Variants in CCDC7 observed in about 807,000 individuals in gnomAD.
CCDC7 encodes coiled-coil domain containing 7, also known as coiled-coil domain-containing protein 7.
In CCDC7, 183 loss-of-function variants were observed where a neutral mutation model predicts 196.9. That is an observed-to-expected ratio of 0.93 (90% CI 0.82 to 1.05). The LOEUF is 1.05. Ranked by LOEUF, CCDC7 falls within the 50% of genes least tolerant of loss-of-function variation. CCDC7 has a pLI of 0.00. For synonymous variants in CCDC7, 525 were observed against 484.6 expected, an observed-to-expected ratio of 1.08 and a Z score of -1.10; for missense variants, 1,540 against 1,482.2, an observed-to-expected ratio of 1.04 and a Z score of -0.64.
intron 20 of CCDC7, among the ~76,000 whole-genome samples, chr10:32,658,017 A>T (rs1018404645): frequency 6.6e-6 from 1 of 152,146 alleles, no homozygotes; most frequent in Admixed American, 6.5e-5. Context: ...CTTCATCTCC[A>T]TCTGAGACCA....
exon 28 of CCDC7, chr10:32,729,384 T>A (rs1459019641): frequency 6.5e-7 from 1 of 1,541,342 alleles, no homozygotes; most frequent in Non-Finnish European, 8.8e-7. Flanking sequence ...ATCTGTTGCC[T>A]GAGGAGAAAG....
chr10:32,545,356 T>C (rs73253423), intron 13 of CCDC7, among the ~76,000 whole-genome samples: 8,070 of 152,254 alleles, frequency 0.053, 708 homozygotes, highest in African/African-American at 0.18. Flanking sequence ...TTTATCAACA[T>C]TTTGGTCTCA....
Position 32,844,690 on chromosome 10 carries a change from CAGTT to C in CCDC7, c.3353-552_3353-549del, listed in dbSNP as rs1475650077. Among the ~76,000 whole-genome samples the C allele has an allele frequency of 2.6e-5, 4 of 151,714 alleles. No homozygotes were observed. The East Asian group carries it at 7.7e-4, about 29-fold the overall frequency. On this transcript the variant is annotated intron_variant, in intron 33 of 41. Coordinates refer to ENST00000639629, the Ensembl canonical transcript of CCDC7. ...CAGTGGTTAAGGAATTATAAAGTGT[CAGTT>C]TGTACATCAATTTTGTCATTATCTT...
chr10:32,733,821 ACTGT>A lies in CCDC7; in HGVS notation c.2905+4369_2905+4372del, dbSNP rs553860388. On this transcript the variant is annotated intron_variant, in intron 28 of 41. Transcript: ENST00000639629. ...TATACTTTTTATCTGGTAAATGGAG[ACTGT>A]CTGTTAATCTCTGAAAATGCATTTT... is the stretch of plus-strand genomic sequence containing the variant. 3.8e-3 allele frequency among the ~76,000 whole-genome samples: 583 copies of A among 152,214 alleles called. 5 individuals carry two copies. Among genetic ancestry groups the A allele is most frequent in the Non-Finnish European group, 6.4e-3 (436 of 68,000 alleles).
chr10:32,846,068 C>A, intron 36 of CCDC7, 109 bp downstream of exon 37: 2 of 822,464 alleles, frequency 2.4e-6, no homozygotes, highest in Non-Finnish European at 4.0e-6. Flanking sequence ...TAGTACTTTC[C>A]ATAGCAAAAG....
intron 9 of CCDC7, 129 bp downstream of exon 10, chr10:32,492,126 A>C: frequency 1.1e-6 from 1 of 903,504 alleles, no homozygotes; most frequent in Non-Finnish European, 1.5e-6. Flanking sequence ...AAATATTGAA[A>C]ACATAAAGAA....
At chr10:32,684,715 C>A (rs1332867190) in intron 21 of CCDC7, among the ~76,000 whole-genome samples, 1 of 152,334 alleles carries the variant, frequency 6.6e-6, no homozygotes, top group South Asian at 2.1e-4. Context: ...GTCTTAAAAT[C>A]TGGATTGTAT....
intron 20 of CCDC7, among the ~76,000 whole-genome samples, chr10:32,639,916 C>A (rs1321876150): frequency 1.3e-5 from 2 of 152,078 alleles, no homozygotes; most frequent in Non-Finnish European, 2.9e-5. Flanking sequence ...TGCACCCGAC[C>A]AATTTCTGTT....
At chr10:32,703,857 C>G (rs2079202804) in intron 24 of CCDC7, among the ~76,000 whole-genome samples, 1 of 152,112 alleles carries the variant, frequency 6.6e-6, no homozygotes, top group Admixed American at 6.5e-5. Context: ...CCTTGGTTTT[C>G]AGCTCCATCA....
intron 32 of CCDC7, among the ~76,000 whole-genome samples, chr10:32,826,995 G>A (rs1429951444): frequency 1.3e-5 from 2 of 152,200 alleles, no homozygotes; most frequent in Admixed American, 6.5e-5. Context: ...GAGGTATGTG[G>A]GTGGACCTCT....
chr10:32,602,147 A>G (rs997024000), intron 18 of CCDC7, among the ~76,000 whole-genome samples: 5 of 152,270 alleles, frequency 3.3e-5, no homozygotes, highest in African/African-American at 1.2e-4. Context: ...GAAGTCAGCG[A>G]GACCACAAAC....
At chr10:32,519,190 C>T (rs1485719724) in intron 11 of CCDC7, among the ~76,000 whole-genome samples, 3 of 152,050 alleles carry the variant, frequency 2.0e-5, no homozygotes, top group Non-Finnish European at 4.4e-5. Flanking sequence ...CATATATGTT[C>T]AGTTTAGGAA....
chr10:32,835,289 G>A (rs924626623), intron 33 of CCDC7, among the ~76,000 whole-genome samples: 2 of 152,028 alleles, frequency 1.3e-5, no homozygotes, highest in Non-Finnish European at 2.9e-5. Flanking sequence ...TCTCTTTGAA[G>A]GTCTCTAAGA....
rs575275362 is a variant in CCDC7 at position 32,505,662 on chromosome 10, G to A, written c.873-12283G>A. Among the ~76,000 whole-genome samples the A allele has an allele frequency of 7.0e-3, 1,067 of 151,752 alleles. 13 individuals are homozygous for A. The highest frequency in any genetic ancestry group is 0.025 in the African/African-American group (1,016 of 41,366). ...TTTTCTTTTCGACAAAACCGCCACT[G>A]TCATCATGGCCCGTTCTCGATGGTC... On this transcript the variant is annotated intron_variant, in intron 9 of 41. Transcript: ENST00000639629.
At chr10:32,485,995 T>C (rs1012919148) in intron 8 of CCDC7, among the ~76,000 whole-genome samples, 1 of 152,264 alleles carries the variant, frequency 6.6e-6, no homozygotes, top group East Asian at 1.9e-4. Context: ...TGGAGAGTTC[T>C]GTAGATGTCT....
intron 29 of CCDC7, among the ~76,000 whole-genome samples, chr10:32,797,323 C>G (rs117989387): frequency 6.6e-6 from 1 of 151,020 alleles, no homozygotes; most frequent in Non-Finnish European, 1.5e-5. Flanking sequence ...TCATGGAATA[C>G]TACTCAGCCA....
chr10:32,484,810 G>A (rs2040691213), intron 8 of CCDC7, among the ~76,000 whole-genome samples: 1 of 152,162 alleles, frequency 6.6e-6, no homozygotes, highest in Non-Finnish European at 1.5e-5. Context: ...TTATTCATTT[G>A]TGCATGTTGA....
chr10:32,765,268 A>G (rs1056095145), intron 28 of CCDC7, among the ~76,000 whole-genome samples: 3 of 151,990 alleles, frequency 2.0e-5, no homozygotes, highest in Non-Finnish European at 4.4e-5. Flanking sequence ...GGAAATAATA[A>G]GATTTTTTAG....
At chr10:32,770,070 TG>T (rs1444813665) in intron 28 of CCDC7, among the ~76,000 whole-genome samples, 1 of 152,234 alleles carries the variant, frequency 6.6e-6, no homozygotes, top group Non-Finnish European at 1.5e-5. Context: ...TCTTCCACAA[TG>T]GTTGAACTAA....
Sources: gnomAD v4.1 joint callset for allele counts (sites outside exome capture counted in the v4.1 genomes callset) on GRCh38, gnomAD v4.1.1 for gene constraint, MANE v1.5 for transcripts, NCBI Gene and HGNC (gene_info 2026-07-23, HGNC 2026-07-21) for gene names.